The following SEPTIN7 variants were observed in gnomAD, a reference collection of about 807,000 sequenced individuals.
The protein encoded by SEPTIN7 is septin 7.
SEPTIN7 carries 10 observed loss-of-function variants against 63.3 expected under a neutral mutation model. That is an observed-to-expected ratio of 0.16 (90% CI 0.10 to 0.27). The LOEUF (loss-of-function observed/expected upper bound fraction) is 0.27, where lower values mean the gene tolerates loss of function less well. Ranked by LOEUF, SEPTIN7 falls within the 10% of genes least tolerant of loss-of-function variation. The pLI is 1.00. For missense variants in SEPTIN7, 310 were observed against 521.0 expected, an observed-to-expected ratio of 0.59 and a Z score of 3.94; for synonymous variants, 131 against 165.3, an observed-to-expected ratio of 0.79 and a Z score of 1.59.
intron 3 of SEPTIN7, among the ~76,000 whole-genome samples, chr7:35,846,356 G>A (rs569667091): frequency 1.3e-5 from 2 of 152,278 alleles, no homozygotes; most frequent in East Asian, 3.9e-4. Flanking sequence ...TATTATTGCA[G>A]TGTTTTTCTC....
intron 1 of SEPTIN7, among the ~76,000 whole-genome samples, chr7:35,828,666 C>A (rs1449320246): frequency 6.6e-6 from 1 of 152,184 alleles, no homozygotes; most frequent in East Asian, 1.9e-4. Context: ...CATGAGCCAC[C>A]GTGCCCTGCC....
chr7:35,858,738 A>G (rs112733671), intron 3 of SEPTIN7, among the ~76,000 whole-genome samples: 12,133 of 142,158 alleles, frequency 0.085, 546 homozygotes, highest in South Asian at 0.2. Context: ...TGGAGTGCCA[A>G]TGCACGATCT....
chr7:35,912,127 G>C, the SEPTIN7 span, among the ~76,000 whole-genome samples: 1 of 152,174 alleles, frequency 6.6e-6, no homozygotes, highest in Non-Finnish European at 1.5e-5. Context: ...ATTGGGAGCA[G>C]GCCTCCCAAA....
chr7:35,843,434 T>C (rs13220938), intron 3 of SEPTIN7, among the ~76,000 whole-genome samples: 49,579 of 152,044 alleles, frequency 0.33, 8,312 homozygotes, highest in East Asian at 0.41. Flanking sequence ...CATGGACACC[T>C]ACCTCTGTCA....
At chr7:35,909,092 A>C (rs1788692049), downstream of SEPTIN7, among the ~76,000 whole-genome samples, 1 of 152,194 alleles carries the variant, frequency 6.6e-6, no homozygotes, top group East Asian at 1.9e-4. Context: ...AGAAGTCGGA[A>C]TATATCGGTG....
At chr7:35,819,815 CAT>C (rs1234947352) in intron 1 of SEPTIN7, among the ~76,000 whole-genome samples, 1 of 152,220 alleles carries the variant, frequency 6.6e-6, no homozygotes, top group South Asian at 2.1e-4. Flanking sequence ...AAACATGTCT[CAT>C]GTGGGCACCA....
chr7:35,878,538 G>A (rs375690206), intron 6 of SEPTIN7, among the ~76,000 whole-genome samples: 2 of 152,108 alleles, frequency 1.3e-5, no homozygotes, highest in South Asian at 2.1e-4. Flanking sequence ...ATAAGATTTG[G>A]ATTTAGAAAG....
intron 3 of SEPTIN7, among the ~76,000 whole-genome samples, chr7:35,859,441 C>G (rs1414764663): frequency 2.0e-5 from 3 of 152,126 alleles, no homozygotes; most frequent in African/African-American, 7.2e-5. Flanking sequence ...TTTTACATGT[C>G]CTTGAGAAAA....
intron 7 of SEPTIN7, among the ~76,000 whole-genome samples, chr7:35,881,046 G>T (rs1786844354): frequency 6.6e-6 from 1 of 151,860 alleles, no homozygotes; most frequent in Admixed American, 6.6e-5. Context: ...TAGTCCTATT[G>T]TAACAAAATA....
chr7:35,817,926 A>G (rs1789183527), intron 1 of SEPTIN7, among the ~76,000 whole-genome samples: 1 of 150,926 alleles, frequency 6.6e-6, no homozygotes, highest in Non-Finnish European at 1.5e-5. Flanking sequence ...TTTTTTATTT[A>G]TAAGATCATA....
At chr7:35,911,699 C>T (rs1013811551), downstream of SEPTIN7, among the ~76,000 whole-genome samples, 7 of 152,298 alleles carry the variant, frequency 4.6e-5, no homozygotes, top group African/African-American at 1.7e-4. Context: ...ACACCTCAAC[C>T]TCAAATGATA....
At chr7:35,832,152 TAA>T (rs1301521649) in intron 2 of SEPTIN7, 2 of 452,466 alleles carry the variant, frequency 4.4e-6, no homozygotes, top group Admixed American at 4.8e-5. Context: ...AATGAAGTTA[TAA>T]GTTACTTTAA....
At chr7:35,876,920 G>C (rs2116244459) in intron 6 of SEPTIN7, among the ~76,000 whole-genome samples, 1 of 152,232 alleles carries the variant, frequency 6.6e-6, no homozygotes, top group African/African-American at 2.4e-5. Flanking sequence ...AGTGAGCCAA[G>C]ATTGTGCCAC....
chr7:35,884,516 A>G (rs1237244108), intron 9 of SEPTIN7, among the ~76,000 whole-genome samples: 1 of 152,146 alleles, frequency 6.6e-6, no homozygotes, highest in African/African-American at 2.4e-5. Flanking sequence ...AAACATAACT[A>G]AAATTGAGGG....
Position 35,904,402 on chromosome 7 carries a change from G to A in SEPTIN7, c.*109G>A. 3.9e-6 allele frequency: 3 copies of A among 772,874 alleles called. No homozygotes were observed. Among genetic ancestry groups the A allele is most frequent in the Non-Finnish European group, 5.8e-6 (3 of 516,130 alleles). The allele number at this position is 772,874 out of a possible 1,614,324, so 47.9% of individuals were successfully genotyped here. Reference sequence around the variant, plus strand: ...TTGCACCAGTTTTATCCATAATGATGGATTTAACAGCATGACAAAAATTAT... The same window carrying A: ...TTGCACCAGTTTTATCCATAATGATAGATTTAACAGCATGACAAAAATTAT... On this transcript the variant is annotated 3_prime_UTR_variant, in exon 14 of 14. Coordinates refer to ENST00000350320, the MANE Select transcript of SEPTIN7 (RefSeq NM_001788.6).
In SEPTIN7 at chr7:35,904,404, AT is replaced by A; in HGVS notation, c.*114del. 1 of 747,372 alleles carries A rather than the reference AT, an allele frequency of 1.3e-6. No homozygotes were observed. Among genetic ancestry groups the A allele is most frequent in the Non-Finnish European group, 2.0e-6 (1 of 493,650 alleles). 46.3% of individuals were successfully genotyped at this position (747,372 alleles called of 1,614,324 possible). ...GCACCAGTTTTATCCATAATGATGG[AT>A]TTAACAGCATGACAAAAATTATTTT... On this transcript the variant is annotated 3_prime_UTR_variant, in exon 14 of 14. Coordinates refer to ENST00000350320, the MANE Select transcript of SEPTIN7 (RefSeq NM_001788.6).
chr7:35,897,482 A>G (rs1404034327), intron 11 of SEPTIN7, among the ~76,000 whole-genome samples: 3 of 152,140 alleles, frequency 2.0e-5, no homozygotes, highest in East Asian at 1.9e-4. Context: ...ATTTGAGTCC[A>G]TGGACTTCAA....
At chr7:35,830,429 G>C (rs1275488965) in intron 1 of SEPTIN7, among the ~76,000 whole-genome samples, 1 of 152,110 alleles carries the variant, frequency 6.6e-6, no homozygotes, top group Non-Finnish European at 1.5e-5. Context: ...AAAAAATACT[G>C]ATGGATGGGT....
At chr7:35,886,448 T>G (rs1787251179) in intron 10 of SEPTIN7, among the ~76,000 whole-genome samples, 1 of 152,118 alleles carries the variant, frequency 6.6e-6, no homozygotes, top group Non-Finnish European at 1.5e-5. Flanking sequence ...AGAGGATCTC[T>G]TACTAATGAA....
Sources: allele counts gnomAD v4.1 joint callset (sites outside exome capture counted in the v4.1 genomes callset), GRCh38; gene constraint gnomAD v4.1.1; transcripts MANE v1.5; gene names NCBI Gene and HGNC (gene_info 2026-07-23, HGNC 2026-07-21).